Variants in KIF21A observed in about 807,000 individuals in gnomAD.
KIF21A encodes the protein kinesin-like protein KIF21A.
Under a neutral mutation model 202.9 loss-of-function variants are expected in KIF21A, and 114 were observed. The observed-to-expected ratio is 0.56, with a 90% confidence interval of 0.48 to 0.66. The LOEUF is 0.66. Among genes scored for constraint, KIF21A ranks in the 30% least tolerant of loss-of-function variants. The pLI, the probability that KIF21A is intolerant of heterozygous loss-of-function variation, is 0.00. For missense variants in KIF21A, 1,677 were observed against 1,994.9 expected (o/e 0.84, Z 3.04); for synonymous variants, 667 against 670.8 (o/e 0.99, Z 0.09).
At chr12:39,327,987 G>T (rs1417375541) in intron 24 of KIF21A, among the ~76,000 whole-genome samples, 1 of 152,102 alleles carries the variant, frequency 6.6e-6, no homozygotes, top group South Asian at 2.1e-4. Flanking sequence ...TTCCTTTAAA[G>T]TTATTCTTTT....
In KIF21A at chr12:39,322,739, C is replaced by T. The variant is rs780528837; in HGVS notation, c.3600G>A (p.Glu1200=). Residue 1200 remains glutamate (E), a synonymous_variant, in exon 27 of 38, where the codon GAG becomes GAA. Transcript: ENST00000361418. ...TTTCCCTAGCAGAAGTACCACTTGTCTCTGTATTCATTCCAATCTCTTGCC... is the reference window on the plus strand; with the variant it reads ...TTTCCCTAGCAGAAGTACCACTTGTTTCTGTATTCATTCCAATCTCTTGCC... ...AEGQEIGMNT[E]TSGTSAREKE... 1.2e-6 allele frequency: 2 copies of T among 1,614,096 alleles called. No individual in the cohort carries two copies. Among genetic ancestry groups the T allele is most frequent in the Admixed American group, 1.7e-5 (1 of 60,016 alleles).
chr12:39,332,897 T>C lies in KIF21A; in HGVS notation c.2698A>G (p.Asn900Asp), dbSNP rs1946631660. 1 of 1,613,430 alleles carries C rather than the reference T, an allele frequency of 6.2e-7. No homozygotes were observed. Among genetic ancestry groups the C allele is most frequent in the African/African-American group, 1.3e-5 (1 of 74,902 alleles). ...QALPTPATNGNRKKYQRKGLT... is the reference protein window; with the variant it reads ...QALPTPATNGDRKKYQRKGLT... Reference sequence around the variant, plus strand: ...CAGGAACAGAATTATGTAGACCTGTTTCCATTTGTTGCCGGCGTTGGTAAG... The same window carrying C: ...CAGGAACAGAATTATGTAGACCTGTCTCCATTTGTTGCCGGCGTTGGTAAG... The change falls in exon 19 of 38, where the codon AAC (asparagine) becomes GAC (aspartate). Residue 900 changes from asparagine (N) to aspartate (D), a missense_variant. By Grantham distance (23) the Asn-to-Asp change is conservative. Transcript: ENST00000361418.
chr12:39,379,028 TA>T (rs1382706138), intron 1 of KIF21A, among the ~76,000 whole-genome samples: 1 of 152,042 alleles, frequency 6.6e-6, no homozygotes, highest in Non-Finnish European at 1.5e-5. Flanking sequence ...GCAGAAGCAC[TA>T]GCATAAAAGT....
In KIF21A at chr12:39,442,810, G is replaced by A; in HGVS notation, c.44+117C>T. The A allele has an allele frequency of 3.1e-6, 4 of 1,297,114 alleles. No individual in the cohort carries two copies. The highest frequency in any genetic ancestry group is 1.3e-5 in the South Asian group (1 of 76,598). The allele number at this position is 1,297,114 out of a possible 1,614,324, so 80.4% of individuals were successfully genotyped here. A position where few individuals can be genotyped will look rare whatever the true frequency, so the allele number is the denominator to read the frequency against. ...CTCAGTTTCCTCAGCCGCAGAACCCGGCCGGGACGCCCCTCAGGTCGCTCC... is the reference window on the plus strand; with the variant it reads ...CTCAGTTTCCTCAGCCGCAGAACCCAGCCGGGACGCCCCTCAGGTCGCTCC... On this transcript the variant is annotated intron_variant, in intron 1 of 37. Transcript: ENST00000361418. The surrounding 1 kb of genome is among the most constrained non-coding windows in gnomAD (Gnocchi z 5.0).
Position 39,356,878 on chromosome 12 carries a change from TCTC to T in KIF21A, c.1420_1422del (p.Glu474del), listed in dbSNP as rs760656346. ...ATATAACTATGAATCATATTACTAA[TCTC>T]CTCATTTCCTTCACCTGAAAGACAA... On this transcript the variant is annotated inframe_deletion, in exon 10 of 38. Coordinates refer to ENST00000361418, the MANE Select transcript of KIF21A (RefSeq NM_001173464.2). 3.8e-5 allele frequency: 50 copies of T among 1,301,194 alleles called. No homozygotes were observed. The highest frequency in any genetic ancestry group is 1.7e-4 in the South Asian group (14 of 83,384). The allele number at this position is 1,301,194 out of a possible 1,614,324, so 80.6% of individuals were successfully genotyped here.
chr12:39,365,281 T>C (rs769742004), intron 6 of KIF21A, among the ~76,000 whole-genome samples: 14 of 152,224 alleles, frequency 9.2e-5, no homozygotes, highest in Non-Finnish European at 1.3e-4. Flanking sequence ...CATTAAACTT[T>C]TTCTCTATTG....
intron 37 of KIF21A, among the ~76,000 whole-genome samples, chr12:39,296,025 T>TAACAAAA (rs1942316190): frequency 1.2e-5 from 1 of 86,774 alleles, no homozygotes; most frequent in Non-Finnish European, 2.1e-5. Flanking sequence ...GTTTGTTTGT[T>TAACAAAA]AAAAAAAAAA....
intron 1 of KIF21A, among the ~76,000 whole-genome samples, chr12:39,423,417 C>G (rs1229261468): frequency 6.6e-6 from 1 of 152,082 alleles, no homozygotes; most frequent in African/African-American, 2.4e-5. Flanking sequence ...CCACTGATCT[C>G]AAGATCCACA....
intron 1 of KIF21A, among the ~76,000 whole-genome samples, chr12:39,406,798 G>A (rs1489722377): frequency 6.6e-6 from 1 of 151,930 alleles, no homozygotes; most frequent in Non-Finnish European, 1.5e-5. Context: ...ACTTAAATGG[G>A]CCCTCAGCAC....
chr12:39,366,005 T>TA (rs1949578514), intron 6 of KIF21A, among the ~76,000 whole-genome samples: 1 of 152,072 alleles, frequency 6.6e-6, no homozygotes, highest in Non-Finnish European at 1.5e-5. Flanking sequence ...GACCCTGTTT[T>TA]AAAAAAATAA....
At chr12:39,428,014 A>G (rs1176686747) in intron 1 of KIF21A, among the ~76,000 whole-genome samples, 1 of 152,230 alleles carries the variant, frequency 6.6e-6, no homozygotes, top group Non-Finnish European at 1.5e-5. Context: ...CACAAGGCAC[A>G]GAAAACAATT....
chr12:39,356,870 AT>A lies in KIF21A; in HGVS notation c.1430del (p.Asn477IlefsTer2). ...TTTCTTTTATATAACTATGAATCAT[AT>A]TACTAATCTCCTCATTTCCTTCACC... ...RAGEGNEEIS[N>X]MIHSYIKEIE... On this transcript the variant is annotated frameshift_variant, in exon 10 of 38. Coordinates refer to ENST00000361418, the MANE Select transcript of KIF21A (RefSeq NM_001173464.2). LOFTEE classifies it high-confidence loss of function. 7.7e-7 allele frequency: 1 copy of A among 1,300,362 alleles called. No individual in the cohort carries two copies. The highest frequency in any genetic ancestry group is 1.1e-6 in the Non-Finnish European group (1 of 897,704). 80.6% of individuals were successfully genotyped at this position (1,300,362 alleles called of 1,614,324 possible).
At chr12:39,307,957 T>C (rs1943638452) in intron 33 of KIF21A, among the ~76,000 whole-genome samples, 2 of 152,116 alleles carry the variant, frequency 1.3e-5, no homozygotes, top group South Asian at 2.1e-4. Flanking sequence ...ATGAATAAAA[T>C]AAGATTACAT....
At chr12:39,331,098 T>C (rs562801910) in intron 22 of KIF21A, among the ~76,000 whole-genome samples, 187 bp from the exon 23 acceptor site, 3 of 152,168 alleles carry the variant, frequency 2.0e-5, no homozygotes, top group African/African-American at 7.2e-5. Flanking sequence ...TGTTATCTTC[T>C]GGATTCTCAG....
At chr12:39,422,734 CAGA>C (rs1954407218) in intron 1 of KIF21A, among the ~76,000 whole-genome samples, 1 of 152,182 alleles carries the variant, frequency 6.6e-6, no homozygotes. Flanking sequence ...AAGTCTCCAC[CAGA>C]AGTACAAGCT....
At chr12:39,402,471 G>A (rs766475179) in intron 1 of KIF21A, among the ~76,000 whole-genome samples, 20 of 152,204 alleles carry the variant, frequency 1.3e-4, no homozygotes, top group Non-Finnish European at 2.4e-4. Context: ...GCCGAGGAGG[G>A]AGGATTGCTT....
intron 1 of KIF21A, among the ~76,000 whole-genome samples, chr12:39,395,305 TTC>T (rs1041881141): frequency 6.6e-6 from 1 of 152,178 alleles, no homozygotes; most frequent in African/African-American, 2.4e-5. Flanking sequence ...TTCAAGCTCT[TTC>T]TCTTTCCATT....
At chr12:39,400,773 A>G (rs552326668) in intron 1 of KIF21A, among the ~76,000 whole-genome samples, 1 of 152,332 alleles carries the variant, frequency 6.6e-6, no homozygotes, top group African/African-American at 2.4e-5. Flanking sequence ...CTGAAGTTCT[A>G]GAACGTGACT....
At chr12:39,410,124 C>G (rs1286002491) in intron 1 of KIF21A, among the ~76,000 whole-genome samples, 1 of 152,164 alleles carries the variant, frequency 6.6e-6, no homozygotes, top group Non-Finnish European at 1.5e-5. Context: ...AGCCACCGCA[C>G]TTGTCCTCTG....
Sources: allele counts gnomAD v4.1 joint callset (sites outside exome capture counted in the v4.1 genomes callset), GRCh38; gene constraint gnomAD v4.1.1; non-coding constraint Gnocchi (gnomAD v3.1); transcripts MANE v1.5; gene names NCBI Gene and HGNC (gene_info 2026-07-23, HGNC 2026-07-21).